The following USP15 variants were observed in gnomAD, a reference collection of about 807,000 sequenced individuals.
USP15 encodes ubiquitin specific peptidase 15, also known as ubiquitin carboxyl-terminal hydrolase 15.
USP15 carries 18 observed loss-of-function variants against 127.1 expected under a neutral mutation model. The observed-to-expected ratio is 0.14, with a 90% CI of 0.10 to 0.21. The LOEUF (loss-of-function observed/expected upper bound fraction) is 0.21. Ranked by LOEUF, USP15 falls within the 10% of genes least tolerant of loss-of-function variation. The probability of loss-of-function intolerance (pLI) is 1.00; values close to 1 mark genes in which losing one functional copy is unlikely to be tolerated. For missense variants in USP15, 805 were observed against 1,159.9 expected, an observed-to-expected ratio of 0.69 and a Z score of 4.44; for synonymous variants, 364 against 393.7, an observed-to-expected ratio of 0.92 and a Z score of 0.89.
chr12:62,411,314 C>G lies in USP15; in HGVS notation c.*6939C>G, dbSNP rs2068035365. On this transcript the variant is annotated 3_prime_UTR_variant, in exon 22 of 22. Coordinates refer to ENST00000280377, the MANE Select transcript of USP15 (RefSeq NM_001252078.2). ...CTTTTTAGATGGATGGCACTGGGCTCTGGAGCAAACCATCTGTTCTGTATC... is the reference window on the plus strand; with the variant it reads ...CTTTTTAGATGGATGGCACTGGGCTGTGGAGCAAACCATCTGTTCTGTATC... The G allele has an allele frequency of 6.6e-6, 1 of 152,190 alleles. No individual in the cohort carries two copies. Among genetic ancestry groups the G allele is most frequent in the South Asian group, 2.1e-4 (1 of 4,832 alleles). 9.4% of individuals were successfully genotyped at this position (152,190 alleles called of 1,614,324 possible).
chr12:62,271,028 C>T (rs1202511589), intron 1 of USP15, among the ~76,000 whole-genome samples: 2 of 151,968 alleles, frequency 1.3e-5, no homozygotes, highest in Non-Finnish European at 2.9e-5. Flanking sequence ...CTCTTCCACT[C>T]CTAATCTCAT....
intron 1 of USP15, among the ~76,000 whole-genome samples, chr12:62,263,987 T>C (rs2063133784): frequency 6.6e-6 from 1 of 152,114 alleles, no homozygotes; most frequent in South Asian, 2.1e-4. Context: ...TAAAATACTC[T>C]CTTTGGAAAA....
chr12:62,384,869 C>G (rs2067099295), intron 11 of USP15, among the ~76,000 whole-genome samples: 1 of 151,858 alleles, frequency 6.6e-6, no homozygotes, highest in Non-Finnish European at 1.5e-5. Flanking sequence ...GTAAGTCTTA[C>G]TGTCAAATTG....
rs1359659288 is a variant in USP15 at position 62,415,138 on chromosome 12, G to A, written c.*10763G>A. ...GGTGTAGTTCAAGTCCGAGTCCAAA[G>A]GGTTGAGAACCAGGAAAACCAATGA... is the stretch of plus-strand genomic sequence containing the variant. On this transcript the variant is annotated 3_prime_UTR_variant, in exon 22 of 22. Coordinates refer to ENST00000280377, the MANE Select transcript of USP15 (RefSeq NM_001252078.2). 1 of 152,084 alleles carries A rather than the reference G, an allele frequency of 6.6e-6. No homozygotes were observed. The highest frequency in any genetic ancestry group is 1.5e-5 in the Non-Finnish European group (1 of 68,018). The allele number at this position is 152,084 out of a possible 1,614,324, so 9.4% of individuals were successfully genotyped here.
chr12:62,363,879 C>T (rs989002967), intron 8 of USP15, among the ~76,000 whole-genome samples: 3 of 152,048 alleles, frequency 2.0e-5, no homozygotes, highest in African/African-American at 4.8e-5. Context: ...TAGATGTAAC[C>T]ATTTAATGAA....
intron 8 of USP15, among the ~76,000 whole-genome samples, chr12:62,375,352 C>T (rs144552999): frequency 2.3e-3 from 351 of 152,160 alleles, no homozygotes; most frequent in African/African-American, 7.8e-3. Flanking sequence ...TAACAGAGTG[C>T]AATTCAGATC....
chr12:62,290,960 G>C (rs993486286), intron 1 of USP15, among the ~76,000 whole-genome samples: 1 of 151,628 alleles, frequency 6.6e-6, no homozygotes, highest in South Asian at 2.1e-4. Context: ...CTTCTGACTT[G>C]TAAGTCATCT....
At chr12:62,336,374 A>G (rs886335110) in intron 6 of USP15, 9 of 985,180 alleles carry the variant, frequency 9.1e-6, no homozygotes, top group African/African-American at 3.5e-5. Flanking sequence ...TGTATTGCCT[A>G]TTTCAAGTAC....
At chr12:62,391,668 A>G (rs934666118) in intron 16 of USP15, 148 bp from the exon 17 acceptor site, 12 of 892,452 alleles carry the variant, frequency 1.3e-5, no homozygotes, top group South Asian at 4.0e-5. Flanking sequence ...AATTATTTCA[A>G]TGGCTTGGAA....
intron 8 of USP15, among the ~76,000 whole-genome samples, chr12:62,355,816 T>C (rs1215917447): frequency 1.7e-5 from 2 of 120,848 alleles, no homozygotes; most frequent in Non-Finnish European, 3.4e-5. Flanking sequence ...TCTGTTGCAC[T>C]TTTTTTTTCT....
chr12:62,391,177 C>T lies in USP15; in HGVS notation c.1981C>T (p.Pro661Ser), dbSNP rs773327679. ...GSPSEMETDE[P>S]DDESSQDQEL... ...ATTAGGTGAAATGGAAACAGATGAG[C>T]CAGATGATGAATCCAGCCAGGATCA... Residue 661 changes from proline (P) to serine (S), a missense_variant, in exon 16 of 22, where the codon CCA becomes TCA. This residue lies in a region of USP15 where 225 missense variants were observed against 239.5 expected (regional missense o/e 0.94). Transcript: ENST00000280377. The T allele has an allele frequency of 6.2e-7, 1 of 1,612,472 alleles. No homozygotes were observed. The highest frequency in any genetic ancestry group is 1.3e-5 in the African/African-American group (1 of 74,820).
chr12:62,302,924 C>G lies in USP15; in HGVS notation c.348+4C>G, dbSNP rs1412611567. 1 of 1,608,502 alleles carries G rather than the reference C, an allele frequency of 6.2e-7. No homozygotes were observed. The highest frequency in any genetic ancestry group is 1.1e-5 in the South Asian group (1 of 90,198). ...TCAAGAGCCAATAGCACGAAAGGTA[C>G]ATTTTAATAATAACTGACTATAAAT... On this transcript the variant is annotated splice_donor_region_variant and intron_variant, in intron 3 of 21. Transcript: ENST00000280377.
chr12:62,325,840 A>C (rs778306398), intron 5 of USP15, 32 bp from the exon 6 acceptor site: 1 of 1,575,272 alleles, frequency 6.3e-7, no homozygotes, highest in South Asian at 1.2e-5. Context: ...AGAGTTATGG[A>C]AAAACACCCT....
intron 1 of USP15, among the ~76,000 whole-genome samples, chr12:62,287,817 A>T (rs1048587669): frequency 9.2e-5 from 14 of 152,140 alleles, no homozygotes; most frequent in African/African-American, 3.4e-4. Flanking sequence ...GTGGCAATCC[A>T]GTTTTCCCTG....
At chr12:62,381,403 C>T in intron 8 of USP15, 87 bp from the exon 9 acceptor site, 1 of 1,164,396 alleles carries the variant, frequency 8.6e-7, no homozygotes. Context: ...TATAGCAAAT[C>T]AATTTGTTTC....
intron 1 of USP15, among the ~76,000 whole-genome samples, chr12:62,261,076 A>T (rs1304419932): frequency 6.6e-6 from 1 of 152,060 alleles, no homozygotes; most frequent in Non-Finnish European, 1.5e-5. Context: ...TTGTCAAAGG[A>T]GGGAGAGGAG....
chr12:62,372,178 T>A (rs964956552), intron 8 of USP15, among the ~76,000 whole-genome samples: 1 of 152,138 alleles, frequency 6.6e-6, no homozygotes, highest in African/African-American at 2.4e-5. Flanking sequence ...CACAGTAATT[T>A]TAGTAAGAAT....
chr12:62,342,699 G>A (rs2065683690), intron 6 of USP15, among the ~76,000 whole-genome samples: 1 of 152,172 alleles, frequency 6.6e-6, no homozygotes, highest in East Asian at 1.9e-4. Flanking sequence ...GTCTACTCCA[G>A]ACCCTGTTCG....
chr12:62,372,692 C>T (rs1322028295), intron 8 of USP15, among the ~76,000 whole-genome samples: 2 of 151,952 alleles, frequency 1.3e-5, no homozygotes, highest in Non-Finnish European at 2.9e-5. Context: ...TTATAAAGAA[C>T]CATTTTTTCA....
Sources: gnomAD v4.1 joint callset for allele counts (sites outside exome capture counted in the v4.1 genomes callset) on GRCh38, gnomAD v4.1.1 for gene constraint, gnomAD v4.1.1 regional missense constraint, MANE v1.5 for transcripts, NCBI Gene and HGNC (gene_info 2026-07-23, HGNC 2026-07-21) for gene names.